Variants in SLC18A1 observed in about 807,000 individuals in gnomAD.
SLC18A1 encodes solute carrier family 18 member A1.
A neutral mutation model predicts 53.7 loss-of-function variants in SLC18A1; 69 were observed. That is an observed-to-expected ratio of 1.28 (90% CI 1.06 to 1.57). The LOEUF (loss-of-function observed/expected upper bound fraction) is 1.57. Ranked by LOEUF, SLC18A1 falls within the 40% of genes most tolerant of loss-of-function variation. The probability of loss-of-function intolerance (pLI) is 0.00; values close to 1 mark genes in which losing one functional copy is unlikely to be tolerated. For synonymous variants in SLC18A1, 320 were observed against 248.1 expected, an observed-to-expected ratio of 1.29 and a Z score of -2.72; for missense variants, 932 against 668.1, an observed-to-expected ratio of 1.40 and a Z score of -4.35.
In SLC18A1 at chr8:20,148,071, C is replaced by G; in HGVS notation, c.1147-1G>C. 1 of 1,614,096 alleles carries G rather than the reference C, an allele frequency of 6.2e-7. No homozygotes were observed. The highest frequency in any genetic ancestry group is 8.5e-7 in the Non-Finnish European group (1 of 1,179,974). On this transcript the variant is annotated splice_acceptor_variant, in intron 12 of 15. Coordinates refer to ENST00000276373, the MANE Select transcript of SLC18A1 (RefSeq NM_003053.4). LOFTEE classifies it high-confidence loss of function. The stretch of plus-strand genomic sequence containing the variant: ...CAAAAATATTGTGAGCCAGAGGAAC[C>G]TGCATGGGGAAGGAGGAAGAGTCAT...
chr8:20,178,513 A>T lies in SLC18A1; in HGVS notation c.489-20T>A, dbSNP rs1402206670. ...CCAATCCTAAAAGGGAATTGAAAAA[A>T]AAAAAGATACAATTCCAACAGGCAC... On this transcript the variant is annotated intron_variant, in intron 3 of 15. Transcript: ENST00000276373. 1.3e-6 allele frequency: 2 copies of T among 1,579,510 alleles called. No individual in the cohort carries two copies. The highest frequency in any genetic ancestry group is 8.6e-7 in the Non-Finnish European group (1 of 1,160,842).
chr8:20,170,719 C>G (rs2072091395), intron 8 of SLC18A1, among the ~76,000 whole-genome samples: 1 of 151,958 alleles, frequency 6.6e-6, no homozygotes, highest in Non-Finnish European at 1.5e-5. Flanking sequence ...TACTCAGTCC[C>G]CAATGTCATT....
At chr8:20,177,997 T>A (rs759722440) in intron 4 of SLC18A1, among the ~76,000 whole-genome samples, 2 of 152,198 alleles carry the variant, frequency 1.3e-5, no homozygotes, top group African/African-American at 2.4e-5. Context: ...ATTTTCCAGA[T>A]GTTATTGTCC....
rs2072200578 is a variant in SLC18A1, at chr8:20,174,306, A to AT, written c.631+54dup. ...AATATAGGATCTGAGGTAGTAAGAG[A>AT]TGTGTGTGTGTGCATGCCTGCATGT... On this transcript the variant is annotated intron_variant, in intron 5 of 15. Transcript: ENST00000276373. 30 of 1,166,680 alleles carry AT rather than the reference A, an allele frequency of 2.6e-5. No individual in the cohort carries two copies. In the South Asian group the frequency reaches 3.3e-4, roughly 13 times the overall value. The allele number at this position is 1,166,680 out of a possible 1,614,324, so 72.3% of individuals were successfully genotyped here.
chr8:20,175,034 C>G (rs2072221880), intron 4 of SLC18A1, among the ~76,000 whole-genome samples: 1 of 152,186 alleles, frequency 6.6e-6, no homozygotes, highest in South Asian at 2.1e-4. Context: ...CTGCTAGACT[C>G]TGTAGCAAAT....
intron 3 of SLC18A1, among the ~76,000 whole-genome samples, chr8:20,178,769 G>A (rs114748051): frequency 1.8e-3 from 280 of 152,064 alleles, no homozygotes; most frequent in African/African-American, 6.2e-3. Flanking sequence ...CAGAATAATC[G>A]TCAATACAAC....
At position 20,179,817 on chromosome 8, in the gene SLC18A1, C is replaced by T. The variant is rs149222517; in HGVS notation, c.125-333G>A. On this transcript the variant is annotated intron_variant, in intron 2 of 15. Transcript: ENST00000276373. ...GTTTCCACATTGGCTAACTCTCCTA[C>T]TCACTTAGATTGACATGTAACCCCC... Among the ~76,000 whole-genome samples, 456 of 152,318 alleles carry T rather than the reference C, an allele frequency of 3.0e-3. 1 individual carries two copies. Among genetic ancestry groups the T allele is most frequent in the South Asian group, 7.9e-3 (38 of 4,830 alleles).
chr8:20,147,600 T>C lies in SLC18A1; in HGVS notation c.1330+3A>G. On this transcript the variant is annotated splice_donor_region_variant and intron_variant, in intron 14 of 15. Coordinates refer to ENST00000276373, the MANE Select transcript of SLC18A1 (RefSeq NM_003053.4). Reference sequence around the variant, plus strand: ...AGTGGGGCACCAGGTCCTGCCAACATACCTATAGCAAAGCCCATGCAAAAA... The same window carrying C: ...AGTGGGGCACCAGGTCCTGCCAACACACCTATAGCAAAGCCCATGCAAAAA... 1 of 1,613,980 alleles carries C rather than the reference T, an allele frequency of 6.2e-7. No homozygotes were observed. The highest frequency in any genetic ancestry group is 8.5e-7 in the Non-Finnish European group (1 of 1,179,960).
At chr8:20,166,287 G>GTATA (rs1235212014) in intron 8 of SLC18A1, among the ~76,000 whole-genome samples, 2 of 78,998 alleles carry the variant, frequency 2.5e-5, no homozygotes, top group Admixed American at 1.3e-4. Flanking sequence ...GTGTGTGTGT[G>GTATA]TCTATATATA....
intron 8 of SLC18A1, among the ~76,000 whole-genome samples, chr8:20,168,829 T>C (rs945969056): frequency 2.6e-5 from 4 of 152,154 alleles, no homozygotes; most frequent in Non-Finnish European, 5.9e-5. Flanking sequence ...CTTGGAGGAA[T>C]GGCTATTCCT....
At chr8:20,172,232 T>C (rs1257473977) in intron 6 of SLC18A1, among the ~76,000 whole-genome samples, 1 of 152,200 alleles carries the variant, frequency 6.6e-6, no homozygotes, top group Non-Finnish European at 1.5e-5. Context: ...GCTTATTCAT[T>C]TGGGACATGA....
intron 11 of SLC18A1, among the ~76,000 whole-genome samples, chr8:20,150,047 C>T (rs1374345610): frequency 6.6e-6 from 1 of 152,192 alleles, no homozygotes; most frequent in East Asian, 1.9e-4. Flanking sequence ...TTAACTCATG[C>T]TGTTGCCCAG....
rs200741431 is a variant in SLC18A1 at position 20,145,771 on chromosome 8, C to T, written c.1570G>A (p.Glu524Lys). The change falls in exon 16 of 16, where the codon GAG (glutamate) becomes AAG (lysine). Residue 524 changes from glutamate to lysine, a missense_variant. By Grantham distance (56) the Glu-to-Lys change is moderately conservative (BLOSUM62 1). Coordinates refer to ENST00000276373, the MANE Select transcript of SLC18A1 (RefSeq NM_003053.4). ...AGGAGCACCTTCTGCTGCTACTCCTCATGGTCAGGCTCCTCATCACTGTCC... is the reference window on the plus strand; with the variant it reads ...AGGAGCACCTTCTGCTGCTACTCCTTATGGTCAGGCTCCTCATCACTGTCC... ...GEDSDEEPDH[E>K]E The T allele has an allele frequency of 1.2e-4, 187 of 1,605,324 alleles. 3 individuals are homozygous for T. The East Asian group carries it at 4.0e-3, about 35-fold the overall frequency.
intron 10 of SLC18A1, among the ~76,000 whole-genome samples, chr8:20,160,262 T>C (rs969131401): frequency 1.3e-5 from 2 of 148,166 alleles, no homozygotes; most frequent in Non-Finnish European, 3.0e-5. Context: ...ATCTAGTATG[T>C]GGAAGTAAGC....
At chr8:20,151,138 T>G (rs912217635) in intron 10 of SLC18A1, 5 of 91,108 alleles carry the variant, frequency 5.5e-5, no homozygotes, top group Admixed American at 1.8e-4. Flanking sequence ...CACCTAGTTG[T>G]TTTTTTTTGT....
In SLC18A1 at chr8:20,164,930, GA is replaced by G; in HGVS notation, c.953del (p.Ile318ThrfsTer10). On this transcript the variant is annotated frameshift_variant, in exon 10 of 16. Transcript: ENST00000276373. LOFTEE classifies it high-confidence loss of function. Reference sequence around the variant, plus strand: ...TCCAGATGGGCAGTGTGGGCTCCAGGATGGCCACCCCCATGTTGGCAAAGCA... The same window carrying G: ...TCCAGATGGGCAGTGTGGGCTCCAGGTGGCCACCCCCATGTTGGCAAAGCA... ...SICFANMGVAILEPTLPIWMM... is the reference protein window; with the variant it reads ...SICFANMGVAXLEPTLPIWMM... The G allele has an allele frequency of 6.2e-7, 1 of 1,613,946 alleles. No individual in the cohort carries two copies. Among genetic ancestry groups the G allele is most frequent in the Non-Finnish European group, 8.5e-7 (1 of 1,179,850 alleles).
rs1482539776 is a variant in SLC18A1, at chr8:20,176,618, G to A, written c.547+1817C>T. On this transcript the variant is annotated intron_variant, in intron 4 of 15. Transcript: ENST00000276373. Reference sequence around the variant, plus strand: ...CATGGCTCCTAGTTGGGGGGTGGAGGGTTTAAGGGTAGTAACGGGCATCAA... The same window carrying A: ...CATGGCTCCTAGTTGGGGGGTGGAGAGTTTAAGGGTAGTAACGGGCATCAA... Among the ~76,000 whole-genome samples, 3 of 152,016 alleles carry A rather than the reference G, an allele frequency of 2.0e-5. No homozygotes were observed. The East Asian group carries it at 5.8e-4, about 29-fold the overall frequency.
intron 10 of SLC18A1, among the ~76,000 whole-genome samples, chr8:20,159,576 T>C (rs2071766044): frequency 7.3e-6 from 1 of 137,476 alleles, no homozygotes; most frequent in Admixed American, 8.8e-5. Context: ...CAATTCCCTT[T>C]GGGCCGCCTC....
Position 20,171,406 on chromosome 8 carries a change from T to G in SLC18A1, c.813A>C (p.Gly271=). The G allele has an allele frequency of 6.2e-7, 1 of 1,612,096 alleles. No homozygotes were observed. Among genetic ancestry groups the G allele is most frequent in the Non-Finnish European group, 8.5e-7 (1 of 1,178,204 alleles). ...LILAFLALLD[G]ALQLCILQPS... ...CTGGAGGCTCTGATGGTGACTTACC[T>G]CCATCCAGTAGTGCCAGGAAGGCCA... Residue 271 remains glycine (G), a splice_region_variant and synonymous_variant, in exon 7 of 16, where the codon GGA becomes GGC. Transcript: ENST00000276373.
Sources: allele counts gnomAD v4.1 joint callset (sites outside exome capture counted in the v4.1 genomes callset), GRCh38; gene constraint gnomAD v4.1.1; transcripts MANE v1.5; gene names NCBI Gene and HGNC (gene_info 2026-07-23, HGNC 2026-07-21).